The following MAP2K5 variants were observed in gnomAD, a reference collection of about 807,000 sequenced individuals.
The protein encoded by MAP2K5 is dual specificity mitogen-activated protein kinase kinase 5.
In MAP2K5, 49 loss-of-function variants were observed where a neutral mutation model predicts 83.1. The observed-to-expected ratio is 0.59, with a 90% CI of 0.47 to 0.75. The LOEUF is 0.75. Among genes scored for constraint, MAP2K5 ranks in the 30% least tolerant of loss-of-function variants. The pLI is 0.00. For synonymous variants in MAP2K5, 202 were observed against 191.8 expected (o/e 1.05, Z -0.44); for missense variants, 457 against 557.5 (o/e 0.82, Z 1.82).
chr15:67,579,759 A>G (rs944204722), intron 3 of MAP2K5, among the ~76,000 whole-genome samples: 3 of 152,334 alleles, frequency 2.0e-5, no homozygotes, highest in South Asian at 2.1e-4. Context: ...AGGAAGATAT[A>G]TGTGATATCT....
Position 67,637,740 on chromosome 15 carries a change from C to T in MAP2K5, c.585+6813C>T, listed in dbSNP as rs2086633195. Among the ~76,000 whole-genome samples the T allele has an allele frequency of 6.6e-6, 1 of 152,160 alleles. No homozygotes were observed. The highest frequency in any genetic ancestry group is 6.5e-5 in the Admixed American group (1 of 15,272). ...CTCCTCAGACTCTCAGTTTTGTCTT[C>T]TCATCTTAGGGAGATGGCTTATCTC... On this transcript the variant is annotated intron_variant, in intron 9 of 21. Transcript: ENST00000178640. The surrounding 1 kb of genome is among the most constrained non-coding windows in gnomAD (Gnocchi z 4.5).
At chr15:67,731,954 C>T (rs1439883525) in intron 17 of MAP2K5, among the ~76,000 whole-genome samples, 1 of 152,146 alleles carries the variant, frequency 6.6e-6, no homozygotes, top group East Asian at 1.9e-4. Flanking sequence ...TTCCCCAGAT[C>T]CCACTTGCTT....
At chr15:67,797,625 T>A (rs936824981) in intron 21 of MAP2K5, among the ~76,000 whole-genome samples, 2 of 152,210 alleles carry the variant, frequency 1.3e-5, no homozygotes, top group African/African-American at 4.8e-5. Flanking sequence ...GTATAGATTT[T>A]ATATTTATTT....
chr15:67,703,309 T>C, intron 15 of MAP2K5, 28 bp from the exon 16 acceptor site: 1 of 1,583,438 alleles, frequency 6.3e-7, no homozygotes, highest in Non-Finnish European at 8.7e-7. Flanking sequence ...ATCCGTCCAC[T>C]CACAGGCTCC....
chr15:67,712,717 G>A (rs2088722409), intron 16 of MAP2K5, among the ~76,000 whole-genome samples: 1 of 152,162 alleles, frequency 6.6e-6, no homozygotes, highest in Admixed American at 6.5e-5. Context: ...AGGAGATCAA[G>A]ACCATCCTGG....
At chr15:67,601,678 G>A (rs1017168916) in intron 8 of MAP2K5, among the ~76,000 whole-genome samples, 2 of 152,174 alleles carry the variant, frequency 1.3e-5, no homozygotes, top group Non-Finnish European at 2.9e-5. Flanking sequence ...AGAATTTTAA[G>A]TTCTGACTAA....
At chr15:67,694,835 A>G (rs1472559702) in intron 15 of MAP2K5, among the ~76,000 whole-genome samples, 1 of 152,158 alleles carries the variant, frequency 6.6e-6, no homozygotes. Context: ...CATTATTCAC[A>G]ATAGCAAAGA....
In MAP2K5 at chr15:67,652,401, C is replaced by T. The variant is rs142554270; in HGVS notation, c.736+5932C>T. Reference sequence around the variant, plus strand: ...GCTGTATAAGAAACATGGTGCCCAGCACCTGTTTCTGGTCTGGGTCTCAGG... The same window carrying T: ...GCTGTATAAGAAACATGGTGCCCAGTACCTGTTTCTGGTCTGGGTCTCAGG... On this transcript the variant is annotated intron_variant, in intron 11 of 21. Transcript: ENST00000178640. The surrounding 1 kb of genome is among the most constrained non-coding windows in gnomAD (Gnocchi z 4.2). Among the ~76,000 whole-genome samples, 113 of 152,250 alleles carry T rather than the reference C, an allele frequency of 7.4e-4. No homozygotes were observed. Among genetic ancestry groups the T allele is most frequent in the Non-Finnish European group, 8.7e-4 (59 of 68,020 alleles).
rs1211355023 is a variant in MAP2K5 at position 67,637,334 on chromosome 15, T to C, written c.585+6407T>C. On this transcript the variant is annotated intron_variant, in intron 9 of 21. Transcript: ENST00000178640. This position sits in a 1 kb window ranked among gnomAD's most constrained non-coding sequence, Gnocchi z 4.5. Reference sequence around the variant, plus strand: ...TACAGAGATGGTATTTAGTTACTTTTGAATAATTTGATTCTTTCAAGGCTT... The same window carrying C: ...TACAGAGATGGTATTTAGTTACTTTCGAATAATTTGATTCTTTCAAGGCTT... Among the ~76,000 whole-genome samples the C allele has an allele frequency of 3.3e-5, 5 of 152,212 alleles. No homozygotes were observed. Among genetic ancestry groups the C allele is most frequent in the Non-Finnish European group, 7.3e-5 (5 of 68,040 alleles).
rs547678238 is a variant in MAP2K5, at chr15:67,664,487, G to T, written c.799-110G>T. On this transcript the variant is annotated intron_variant, in intron 12 of 21. Coordinates refer to ENST00000178640, the MANE Select transcript of MAP2K5 (RefSeq NM_145160.3). ...CACAGCACTTCAGCCTAGGTGACAGGGTGACACCCTGTCTCAAAAAAAAAA... is the reference window on the plus strand; with the variant it reads ...CACAGCACTTCAGCCTAGGTGACAGTGTGACACCCTGTCTCAAAAAAAAAA... 2.8e-5 allele frequency: 18 copies of T among 654,508 alleles called. No homozygotes were observed. The African/African-American group carries it at 2.9e-4, about 11-fold the overall frequency. The allele number at this position is 654,508 out of a possible 1,614,324, so 40.5% of individuals were successfully genotyped here.
chr15:67,726,215 C>T (rs370858751), intron 16 of MAP2K5, among the ~76,000 whole-genome samples: 1 of 152,160 alleles, frequency 6.6e-6, no homozygotes, highest in East Asian at 1.9e-4. Flanking sequence ...TACACACAAG[C>T]ATATGTGCAA....
chr15:67,784,406 G>A (rs150024956), intron 21 of MAP2K5, among the ~76,000 whole-genome samples: 73 of 152,388 alleles, frequency 4.8e-4, no homozygotes, highest in African/African-American at 1.6e-3. Flanking sequence ...AAACAAACTT[G>A]TAGGATTTCA....
rs539879022 is a variant in MAP2K5 at position 67,760,904 on chromosome 15, G to T, written c.1135-8698G>T. On this transcript the variant is annotated intron_variant, in intron 19 of 21. Transcript: ENST00000178640. The surrounding 1 kb of genome is among the most constrained non-coding windows in gnomAD (Gnocchi z 4.1). ...CAGGGTCAGTTACCCAGCAGCTTGGGCTGGGGGCACTGCTCTGCTTCACTG... is the reference window on the plus strand; with the variant it reads ...CAGGGTCAGTTACCCAGCAGCTTGGTCTGGGGGCACTGCTCTGCTTCACTG... Among the ~76,000 whole-genome samples, 19 of 152,262 alleles carry T rather than the reference G, an allele frequency of 1.2e-4. No individual in the cohort carries two copies. The highest frequency in any genetic ancestry group is 4.6e-4 in the Admixed American group (7 of 15,290).
chr15:67,560,680 T>C (rs2084717257), intron 2 of MAP2K5, among the ~76,000 whole-genome samples: 1 of 152,258 alleles, frequency 6.6e-6, no homozygotes, highest in Admixed American at 6.5e-5. Flanking sequence ...TAATGTTTCA[T>C]AGCTACTTTT....
intron 8 of MAP2K5, among the ~76,000 whole-genome samples, chr15:67,619,205 G>A (rs2086124164): frequency 6.6e-6 from 1 of 152,174 alleles, no homozygotes; most frequent in Non-Finnish European, 1.5e-5. Flanking sequence ...AACCTGAAAA[G>A]AGAGGCATTT....
At chr15:67,650,248 A>G (rs1472202273) in intron 11 of MAP2K5, among the ~76,000 whole-genome samples, 1 of 152,202 alleles carries the variant, frequency 6.6e-6, no homozygotes, top group Admixed American at 6.5e-5. Context: ...TCTATATACA[A>G]GATAATGCCA....
intron 6 of MAP2K5, among the ~76,000 whole-genome samples, chr15:67,592,114 G>T (rs1479763054): frequency 6.3e-3 from 27 of 4,300 alleles, no homozygotes; most frequent in African/African-American, 0.011. Flanking sequence ...GTGAAACTAT[G>T]TCTCAAAAAA....
chr15:67,759,036 C>T (rs529114072), intron 19 of MAP2K5, among the ~76,000 whole-genome samples: 1 of 152,138 alleles, frequency 6.6e-6, no homozygotes, highest in Non-Finnish European at 1.5e-5. Context: ...ATTCTGTGTA[C>T]TCTGTTTAAT....
rs71142384 is a variant in MAP2K5 at position 67,592,118 on chromosome 15, C to CAAAAAAAAAAAAAAAAAAAA, written c.432-791_432-790insAAAAAAAAAAAAAAAAAAAA. 2.5e-5 allele frequency among the ~76,000 whole-genome samples: 3 copies of CAAAAAAAAAAAAAAAAAAAA among 117,984 alleles called. 1 individual carries two copies. The highest frequency in any genetic ancestry group is 5.1e-5 in the Non-Finnish European group (3 of 59,042). The allele number at this position is 117,984 out of a possible 152,430, so 77.4% of individuals were successfully genotyped here. A position where few individuals can be genotyped will look rare whatever the true frequency, so the allele number is the denominator to read the frequency against. On this transcript the variant is annotated intron_variant, in intron 6 of 21. Coordinates refer to ENST00000178640, the MANE Select transcript of MAP2K5 (RefSeq NM_145160.3). ...GGGCAACAAGAGTGAAACTATGTCT[C>CAAAAAAAAAAAAAAAAAAAA]AAAAAAAAAAAAAAAAAGGACTTTC...
Sources: gnomAD v4.1 joint callset for allele counts (sites outside exome capture counted in the v4.1 genomes callset) on GRCh38, gnomAD v4.1.1 for gene constraint, Gnocchi (gnomAD v3.1) non-coding constraint, MANE v1.5 for transcripts, NCBI Gene and HGNC (gene_info 2026-07-23, HGNC 2026-07-21) for gene names.